Variants in SLMAP observed in about 807,000 individuals in gnomAD.
The protein encoded by SLMAP is sarcolemmal membrane-associated protein.
Under a neutral mutation model 128.8 loss-of-function variants are expected in SLMAP, and 44 were observed. The ratio of observed to expected loss-of-function variants is 0.34; its 90% CI spans 0.27 to 0.44. SLMAP has a LOEUF of 0.44. SLMAP is among the 20% of genes least tolerant of loss of function. SLMAP has a pLI of 1.00. For missense variants in SLMAP, 787 were observed against 985.3 expected (o/e 0.80, Z 2.69); for synonymous variants, 327 against 348.8 (o/e 0.94, Z 0.70).
rs1397851400 is a variant in SLMAP at position 57,831,537 on chromosome 3, G to T, written c.346+7G>T. 1 of 1,480,908 alleles carries T rather than the reference G, an allele frequency of 6.8e-7. No individual in the cohort carries two copies. Among genetic ancestry groups the T allele is most frequent in the East Asian group, 2.4e-5 (1 of 40,892 alleles). 91.7% of individuals were successfully genotyped at this position (1,480,908 alleles called of 1,614,324 possible). On this transcript the variant is annotated splice_region_variant and intron_variant, in intron 3 of 24. Transcript: ENST00000671191. ...ACAGAGAATACACGGAAAGGTACGGGTATGGATCACTTTTTTTATTACTTG... is the reference window on the plus strand; with the variant it reads ...ACAGAGAATACACGGAAAGGTACGGTTATGGATCACTTTTTTTATTACTTG...
intron 2 of SLMAP, among the ~76,000 whole-genome samples, chr3:57,767,251 A>G (rs1484151907): frequency 1.3e-5 from 2 of 152,202 alleles, no homozygotes; most frequent in Non-Finnish European, 2.9e-5. Context: ...CATAAACAAC[A>G]AAATAACTAT....
At chr3:57,818,615 T>A (rs1448834362) in intron 2 of SLMAP, among the ~76,000 whole-genome samples, 2 of 152,354 alleles carry the variant, frequency 1.3e-5, no homozygotes, top group Non-Finnish European at 2.9e-5. Context: ...TGTGGTACCC[T>A]TTTGTCACTG....
At chr3:57,919,911 C>G (rs533162517) in intron 22 of SLMAP, among the ~76,000 whole-genome samples, 2 of 152,108 alleles carry the variant, frequency 1.3e-5, no homozygotes, top group Non-Finnish European at 2.9e-5. Context: ...CTTGCCACCC[C>G]CTCACGTACT....
At chr3:57,871,463 T>C (rs2095478094) in intron 13 of SLMAP, among the ~76,000 whole-genome samples, 173 bp from the exon 14 acceptor site, 1 of 152,222 alleles carries the variant, frequency 6.6e-6, no homozygotes, top group Non-Finnish European at 1.5e-5. Context: ...AAATTAATAA[T>C]AATTTTCAGT....
chr3:57,855,977 A>G (rs1339031511), intron 6 of SLMAP, among the ~76,000 whole-genome samples: 1 of 151,890 alleles, frequency 6.6e-6, no homozygotes, highest in African/African-American at 2.4e-5. Context: ...CAAGAGGCGG[A>G]GGTTGCAGTG....
intron 23 of SLMAP, among the ~76,000 whole-genome samples, chr3:57,925,463 G>A (rs1015038348): frequency 4.6e-5 from 7 of 151,736 alleles, no homozygotes; most frequent in African/African-American, 1.7e-4. Flanking sequence ...GAGTAGCTGG[G>A]ATTACAGGCA....
chr3:57,786,552 CTTTT>C (rs34574598), intron 2 of SLMAP, among the ~76,000 whole-genome samples: 4 of 129,968 alleles, frequency 3.1e-5, no homozygotes, highest in Non-Finnish European at 3.3e-5. Flanking sequence ...AATTATATAG[CTTTT>C]TTTTTTTTTT....
intron 2 of SLMAP, among the ~76,000 whole-genome samples, chr3:57,772,464 G>C (rs2081074585): frequency 1.3e-5 from 2 of 152,212 alleles, no homozygotes; most frequent in African/African-American, 4.8e-5. Flanking sequence ...TCGTGCCACA[G>C]AAGTGGCGTT....
chr3:57,869,664 T>C (rs1459607539), intron 13 of SLMAP, among the ~76,000 whole-genome samples: 2 of 126,284 alleles, frequency 1.6e-5, no homozygotes, highest in Non-Finnish European at 3.4e-5. Flanking sequence ...ATATATAATA[T>C]ATATAAACAA....
At chr3:57,921,016 A>G (rs2096907199) in intron 22 of SLMAP, among the ~76,000 whole-genome samples, 1 of 141,082 alleles carries the variant, frequency 7.1e-6, no homozygotes, top group Non-Finnish European at 1.6e-5. Flanking sequence ...GACTCAGTCT[A>G]AAAAAAAAAA....
chr3:57,838,542 A>T (rs1364818147), intron 3 of SLMAP, among the ~76,000 whole-genome samples: 1 of 152,252 alleles, frequency 6.6e-6, no homozygotes, highest in Non-Finnish European at 1.5e-5. Flanking sequence ...TGATGCCCTC[A>T]AAGAGTTGAA....
chr3:57,809,152 C>T (rs1442561859), intron 2 of SLMAP, among the ~76,000 whole-genome samples: 11 of 152,186 alleles, frequency 7.2e-5, no homozygotes, highest in African/African-American at 2.7e-4. Context: ...TTCCATGGAG[C>T]AGGCAGGAGC....
rs1559538734 is a variant in SLMAP at position 57,912,492 on chromosome 3, T to G, written c.1811T>G (p.Leu604Arg). ...LLSARDEILLLHQAAAKVASE... is the reference protein window; with the variant it reads ...LLSARDEILLRHQAAAKVASE... ...AGTGCCCGAGATGAAATTTTGCTCCTTCATCAAGCAGCAGCAAAGGTTGCC... is the reference window on the plus strand; with the variant it reads ...AGTGCCCGAGATGAAATTTTGCTCCGTCATCAAGCAGCAGCAAAGGTTGCC... The change falls in exon 20 of 25, where the codon CTT becomes CGT. Residue 604 changes from leucine to arginine, a missense_variant. Coordinates refer to ENST00000671191, the MANE Select transcript of SLMAP (RefSeq NM_001377540.1). The G allele has an allele frequency of 1.2e-6, 2 of 1,614,184 alleles. No homozygotes were observed. The highest frequency in any genetic ancestry group is 1.7e-6 in the Non-Finnish European group (2 of 1,180,020).
At chr3:57,918,626 T>C (rs1270316571) in intron 22 of SLMAP, 2 of 152,226 alleles carry the variant, frequency 1.3e-5, no homozygotes, top group Non-Finnish European at 2.9e-5. Flanking sequence ...GGATACTATA[T>C]ACTATAGTTT....
chr3:57,859,685 T>C (rs1055403669), intron 8 of SLMAP, among the ~76,000 whole-genome samples: 1 of 152,126 alleles, frequency 6.6e-6, no homozygotes, highest in African/African-American at 2.4e-5. Flanking sequence ...AAGAGTGCTA[T>C]AATGGACATT....
intron 6 of SLMAP, among the ~76,000 whole-genome samples, chr3:57,853,231 T>G (rs935579644): frequency 4.6e-5 from 7 of 152,234 alleles, no homozygotes; most frequent in African/African-American, 1.7e-4. Flanking sequence ...GTCTCTTAAG[T>G]GAAGCTGTGT....
At chr3:57,854,991 A>G (rs527923445) in intron 6 of SLMAP, among the ~76,000 whole-genome samples, 1 of 152,330 alleles carries the variant, frequency 6.6e-6, no homozygotes, top group South Asian at 2.1e-4. Flanking sequence ...AAACCCATAC[A>G]GCATGTTATT....
intron 2 of SLMAP, among the ~76,000 whole-genome samples, chr3:57,827,880 A>G (rs1577144936): frequency 6.6e-6 from 1 of 152,372 alleles, no homozygotes; most frequent in East Asian, 1.9e-4. Context: ...CAAGTAATAT[A>G]TCTACTTGCT....
chr3:57,824,926 T>C (rs1275577648), intron 2 of SLMAP, among the ~76,000 whole-genome samples: 1 of 152,232 alleles, frequency 6.6e-6, no homozygotes, highest in Non-Finnish European at 1.5e-5. Context: ...ATCTTTAATA[T>C]CTTTCAGCAA....
Sources: allele counts gnomAD v4.1 joint callset (sites outside exome capture counted in the v4.1 genomes callset), GRCh38; gene constraint gnomAD v4.1.1; transcripts MANE v1.5; gene names NCBI Gene and HGNC (gene_info 2026-07-23, HGNC 2026-07-21).